Variants in TASP1 observed in about 807,000 individuals in gnomAD.
The protein encoded by TASP1 is threonine aspartase 1.
Under a neutral mutation model 56.6 loss-of-function variants are expected in TASP1, and 16 were observed. The observed-to-expected ratio is 0.28, with a 90% CI of 0.19 to 0.43. The LOEUF (loss-of-function observed/expected upper bound fraction) is 0.43, where lower values mean the gene tolerates loss of function less well. Among genes scored for constraint, TASP1 ranks in the 20% least tolerant of loss-of-function variants. TASP1 has a pLI of 1.00. For missense variants in TASP1, 393 were observed against 511.6 expected, an observed-to-expected ratio of 0.77 and a Z score of 2.24; for synonymous variants, 179 against 184.2, an observed-to-expected ratio of 0.97 and a Z score of 0.23.
chr20:13,363,902 G>T, the TASP1 span, among the ~76,000 whole-genome samples: 1 of 152,156 alleles, frequency 6.6e-6, no homozygotes, highest in Non-Finnish European at 1.5e-5. Flanking sequence ...GGAATTTTGG[G>T]GGTGATGGAA....
chr20:13,479,128 C>G (rs946348960), intron 11 of TASP1, among the ~76,000 whole-genome samples: 4 of 151,780 alleles, frequency 2.6e-5, no homozygotes, highest in African/African-American at 4.8e-5. Context: ...ATATACATAC[C>G]AATCTGTTAG....
chr20:13,393,590 C>A, intron 13 of TASP1: 2 of 975,466 alleles, frequency 2.1e-6, no homozygotes, highest in South Asian at 1.3e-5. Context: ...ACCACCTTGT[C>A]AAGCTCATTT....
chr20:13,583,696 A>G (rs2047204498), intron 5 of TASP1, among the ~76,000 whole-genome samples: 1 of 152,210 alleles, frequency 6.6e-6, no homozygotes, highest in Non-Finnish European at 1.5e-5. Context: ...ATGGTATTAC[A>G]TAGGATAAAA....
the TASP1 span, among the ~76,000 whole-genome samples, chr20:13,152,238 G>A: frequency 6.6e-6 from 1 of 152,174 alleles, no homozygotes; most frequent in Non-Finnish European, 1.5e-5. Flanking sequence ...CACTAATTTG[G>A]TTGTTGTGAT....
chr20:13,271,488 C>T, the TASP1 span, among the ~76,000 whole-genome samples: 1 of 152,174 alleles, frequency 6.6e-6, no homozygotes, highest in African/African-American at 2.4e-5. Flanking sequence ...TCCCAACACC[C>T]TCATGAAGGA....
chr20:13,257,963 C>T, the TASP1 span, among the ~76,000 whole-genome samples: 6 of 152,080 alleles, frequency 3.9e-5, no homozygotes, highest in Non-Finnish European at 8.8e-5. Flanking sequence ...ATTTCATAGC[C>T]TACTTACTAT....
intron 13 of TASP1, among the ~76,000 whole-genome samples, chr20:13,408,484 G>C (rs1351673225): frequency 6.6e-6 from 1 of 152,016 alleles, no homozygotes; most frequent in African/African-American, 2.4e-5. Flanking sequence ...TAACATCTTT[G>C]TCAAATACTG....
chr20:13,389,423 A>T lies in TASP1; in HGVS notation c.*937T>A, dbSNP rs1400983515. On this transcript the variant is annotated 3_prime_UTR_variant, in exon 14 of 14. Transcript: ENST00000337743. ...ATTCAAAAGATAATTTATTAGTCTGAGAAGAGGAGTCACATACTATACCCA... is the reference window on the plus strand; with the variant it reads ...ATTCAAAAGATAATTTATTAGTCTGTGAAGAGGAGTCACATACTATACCCA... 6.6e-6 allele frequency: 1 copy of T among 152,226 alleles called. No homozygotes were observed. The highest frequency in any genetic ancestry group is 2.4e-5 in the African/African-American group (1 of 41,440). 9.4% of individuals were successfully genotyped at this position (152,226 alleles called of 1,614,324 possible).
At chr20:13,484,965 C>T (rs2043271860) in intron 10 of TASP1, among the ~76,000 whole-genome samples, 1 of 151,994 alleles carries the variant, frequency 6.6e-6, no homozygotes, top group African/African-American at 2.4e-5. Flanking sequence ...GAACATCACA[C>T]ACCAGGGCCT....
chr20:13,133,295 G>A, the TASP1 span, among the ~76,000 whole-genome samples: 1 of 152,104 alleles, frequency 6.6e-6, no homozygotes, highest in African/African-American at 2.4e-5. Context: ...TGACATGCTT[G>A]CTGCATTCTA....
At chr20:13,539,515 A>T (rs1052765051) in intron 8 of TASP1, among the ~76,000 whole-genome samples, 23 of 152,170 alleles carry the variant, frequency 1.5e-4, no homozygotes, top group African/African-American at 5.6e-4. Flanking sequence ...ACACCACTGC[A>T]CTCCAGTCAG....
chr20:13,373,239 C>A, the TASP1 span, among the ~76,000 whole-genome samples: 1 of 151,798 alleles, frequency 6.6e-6, no homozygotes, highest in African/African-American at 2.4e-5. Context: ...ATAGCCCCAA[C>A]AATACAATGA....
the TASP1 span, among the ~76,000 whole-genome samples, chr20:13,230,955 G>A: frequency 6.6e-6 from 1 of 152,132 alleles, no homozygotes; most frequent in Admixed American, 6.6e-5. Context: ...TTTCTCTTGG[G>A]ACTAAGCACT....
intron 12 of TASP1, among the ~76,000 whole-genome samples, chr20:13,432,976 G>T (rs1360599927): frequency 6.6e-6 from 1 of 151,930 alleles, no homozygotes; most frequent in Non-Finnish European, 1.5e-5. Context: ...GAGGTTTTTT[G>T]TTTGTTTGTT....
At chr20:13,112,537 T>G in the TASP1 span, among the ~76,000 whole-genome samples, 36 of 152,178 alleles carry the variant, frequency 2.4e-4, no homozygotes, top group Non-Finnish European at 4.7e-4. Flanking sequence ...CACTTGTATG[T>G]ATAAGGATGG....
At chr20:13,302,187 T>C in the TASP1 span, among the ~76,000 whole-genome samples, 1 of 152,146 alleles carries the variant, frequency 6.6e-6, no homozygotes, top group Non-Finnish European at 1.5e-5. Flanking sequence ...AAATGACTAA[T>C]GTGAGCCATG....
chr20:13,197,852 A>G, the TASP1 span, among the ~76,000 whole-genome samples: 2 of 152,222 alleles, frequency 1.3e-5, no homozygotes. Flanking sequence ...GGCTTTAAAT[A>G]ATGGTTTAAC....
chr20:13,430,800 T>C (rs973634818), intron 12 of TASP1, among the ~76,000 whole-genome samples: 39 of 152,316 alleles, frequency 2.6e-4, no homozygotes, highest in African/African-American at 9.4e-4. Flanking sequence ...CCTTCATACC[T>C]GAGATTCTCC....
intron 13 of TASP1, among the ~76,000 whole-genome samples, chr20:13,392,420 C>G (rs1026232056): frequency 6.6e-6 from 1 of 152,140 alleles, no homozygotes; most frequent in Non-Finnish European, 1.5e-5. Context: ...CTCATCCAGT[C>G]TTGGTTTTGA....
Sources: gnomAD v4.1 joint callset for allele counts (sites outside exome capture counted in the v4.1 genomes callset) on GRCh38, gnomAD v4.1.1 for gene constraint, MANE v1.5 for transcripts, NCBI Gene and HGNC (gene_info 2026-07-23, HGNC 2026-07-21) for gene names.